The following FOXP1 variants were observed in gnomAD, a reference collection of about 807,000 sequenced individuals.
FOXP1 encodes the protein forkhead box P1.
Under a neutral mutation model 98.2 loss-of-function variants are expected in FOXP1, and 15 were observed. That is an observed-to-expected ratio of 0.15 (90% CI 0.10 to 0.24). FOXP1 has a LOEUF of 0.24. FOXP1 is among the 10% of genes least tolerant of loss of function. The pLI is 1.00. For synonymous variants in FOXP1, 371 were observed against 314.5 expected, an observed-to-expected ratio of 1.18 and a Z score of -1.90; for missense variants, 633 against 848.5, an observed-to-expected ratio of 0.75 and a Z score of 3.15.
At chr3:71,092,216 A>C (rs1386061093) in intron 7 of FOXP1, among the ~76,000 whole-genome samples, 2 of 146,260 alleles carry the variant, frequency 1.4e-5, no homozygotes, top group African/African-American at 2.5e-5. Context: ...ACAAAAAAAA[A>C]CAAAATTAGC....
intron 6 of FOXP1, among the ~76,000 whole-genome samples, chr3:71,136,674 A>G (rs983238701): frequency 6.6e-6 from 1 of 152,226 alleles, no homozygotes; most frequent in African/African-American, 2.4e-5. Context: ...TAAGTCCATC[A>G]ACAACTGTTT....
chr3:71,094,851 G>C (rs996012086), intron 7 of FOXP1, among the ~76,000 whole-genome samples: 2 of 152,210 alleles, frequency 1.3e-5, no homozygotes, highest in South Asian at 2.1e-4. Context: ...GTCACCATCA[G>C]CTGAGCAGAC....
chr3:71,105,354 T>A (rs191301043), intron 7 of FOXP1, among the ~76,000 whole-genome samples: 3 of 152,310 alleles, frequency 2.0e-5, no homozygotes, highest in East Asian at 3.9e-4. Flanking sequence ...TTTGAAGTGA[T>A]GACAAGAAAG....
At chr3:71,546,443 C>T (rs757285006) in intron 2 of FOXP1, among the ~76,000 whole-genome samples, 1 of 152,102 alleles carries the variant, frequency 6.6e-6, no homozygotes, top group African/African-American at 2.4e-5. Flanking sequence ...TTACAAATTC[C>T]ATGTGGTTCT....
At chr3:71,329,215 C>T (rs1304891784) in intron 4 of FOXP1, among the ~76,000 whole-genome samples, 1 of 150,528 alleles carries the variant, frequency 6.6e-6, no homozygotes, top group Non-Finnish European at 1.5e-5. Flanking sequence ...GTCTAGACCT[C>T]TTTTTTTTTC....
chr3:71,051,965 G>A (rs949639936), intron 9 of FOXP1, among the ~76,000 whole-genome samples: 2 of 152,184 alleles, frequency 1.3e-5, no homozygotes, highest in African/African-American at 4.8e-5. Flanking sequence ...CACAACCCAA[G>A]CTGGAGTCTT....
rs1386897708 is a variant in FOXP1, at chr3:70,955,598, T to C, written c.*3649A>G. On this transcript the variant is annotated 3_prime_UTR_variant, in exon 21 of 21. Transcript: ENST00000649528. ...TTTTTTTTTTTATACAAAAGTTCAA[T>C]AGTTTTGACACTCCCCATTGTTAAT... The C allele has an allele frequency of 8.6e-6, 2 of 232,630 alleles. No homozygotes were observed. The highest frequency in any genetic ancestry group is 1.7e-5 in the Non-Finnish European group (2 of 117,814). 14.4% of individuals were successfully genotyped at this position (232,630 alleles called of 1,614,324 possible). A position where few individuals can be genotyped will look rare whatever the true frequency, so the allele number is the denominator to read the frequency against.
At chr3:71,182,047 A>G (rs1291100992) in intron 6 of FOXP1, among the ~76,000 whole-genome samples, 1 of 118,310 alleles carries the variant, frequency 8.5e-6, no homozygotes. Flanking sequence ...AAAAAAGAAA[A>G]AAAAGAAAAA....
chr3:71,451,926 C>T (rs6803690), intron 3 of FOXP1, among the ~76,000 whole-genome samples: 25,412 of 152,190 alleles, frequency 0.17, 2,260 homozygotes, highest in Non-Finnish European at 0.18. Context: ...CAGGCTACCT[C>T]TGGGCTAGTA....
intron 7 of FOXP1, among the ~76,000 whole-genome samples, chr3:71,066,616 T>C (rs974162378): frequency 3.3e-5 from 5 of 152,170 alleles, no homozygotes; most frequent in Admixed American, 3.3e-4. Context: ...AAGGAAGTGC[T>C]CTCCAACCAA....
chr3:71,397,075 C>CATAT lies in FOXP1; in HGVS notation c.-167-37835_-167-37832dup, dbSNP rs1175241357. On this transcript the variant is annotated intron_variant, in intron 3 of 20. Coordinates refer to ENST00000649528, the MANE Select transcript of FOXP1 (RefSeq NM_001349338.3). ...ACATATATATGTGTATATATATATA[C>CATAT]ATATATATGTGTATATATATATATA... Among the ~76,000 whole-genome samples the CATAT allele has an allele frequency of 1.1e-3, 42 of 38,476 alleles. 6 individuals carry two copies. Among genetic ancestry groups the CATAT allele is most frequent in the South Asian group, 5.4e-3 (7 of 1,300 alleles). The allele number at this position is 38,476 out of a possible 152,430, so 25.2% of individuals were successfully genotyped here.
chr3:71,497,375 G>A (rs1209718255), intron 2 of FOXP1, among the ~76,000 whole-genome samples: 1 of 152,122 alleles, frequency 6.6e-6, no homozygotes, highest in African/African-American at 2.4e-5. Context: ...AGAAGGTAGG[G>A]AACAGCCAAC....
intron 6 of FOXP1, among the ~76,000 whole-genome samples, chr3:71,180,369 A>G (rs935631717): frequency 4.6e-5 from 7 of 152,150 alleles, no homozygotes; most frequent in African/African-American, 1.7e-4. Flanking sequence ...TACTAATCCC[A>G]TGGAAAATAT....
At chr3:71,532,163 G>A (rs2043907415) in intron 2 of FOXP1, among the ~76,000 whole-genome samples, 1 of 152,146 alleles carries the variant, frequency 6.6e-6, no homozygotes, top group African/African-American at 2.4e-5. Flanking sequence ...GCAGTGGCGT[G>A]ATCTTGGCTA....
chr3:71,106,098 G>A (rs1487994504), intron 7 of FOXP1, among the ~76,000 whole-genome samples: 1 of 152,160 alleles, frequency 6.6e-6, no homozygotes, highest in East Asian at 1.9e-4. Flanking sequence ...TAGCAAGTCA[G>A]TTAATCTCTC....
intron 7 of FOXP1, among the ~76,000 whole-genome samples, chr3:71,062,027 A>T (rs2051573602): frequency 6.6e-6 from 1 of 152,200 alleles, no homozygotes; most frequent in Non-Finnish European, 1.5e-5. Flanking sequence ...TTGGCTGAAA[A>T]GTTGTAGAAC....
chr3:71,183,462 G>A (rs184985871), intron 6 of FOXP1, among the ~76,000 whole-genome samples: 269 of 152,244 alleles, frequency 1.8e-3, no homozygotes, highest in Non-Finnish European at 3.1e-3. Flanking sequence ...TGGCCCCACT[G>A]CACTGCAGTC....
intron 7 of FOXP1, among the ~76,000 whole-genome samples, chr3:71,054,940 A>G (rs1053694161): frequency 6.6e-6 from 1 of 152,218 alleles, no homozygotes; most frequent in African/African-American, 2.4e-5. Flanking sequence ...ATAAAAGGTA[A>G]TAACATGTTT....
chr3:71,179,322 G>A (rs560622691), intron 6 of FOXP1, among the ~76,000 whole-genome samples: 1 of 151,786 alleles, frequency 6.6e-6, no homozygotes, highest in East Asian at 2.0e-4. Context: ...GTAGAGACAG[G>A]TTTTTGAACT....
Sources: allele counts gnomAD v4.1 joint callset (sites outside exome capture counted in the v4.1 genomes callset), GRCh38; gene constraint gnomAD v4.1.1; transcripts MANE v1.5; gene names NCBI Gene and HGNC (gene_info 2026-07-23, HGNC 2026-07-21).